ROBO1: variants seen among roughly 807,000 people sequenced by gnomAD.
The protein encoded by ROBO1 is roundabout homolog 1.
In ROBO1, 149 loss-of-function variants were observed where a neutral mutation model predicts 195.9. The observed-to-expected ratio is 0.76, with a 90% CI of 0.67 to 0.87. ROBO1 has a LOEUF of 0.87. ROBO1 is among the 40% of genes least tolerant of loss of function. The pLI is 0.00. For synonymous variants in ROBO1, 816 were observed against 733.2 expected, an observed-to-expected ratio of 1.11 and a Z score of -1.82; for missense variants, 1,933 against 2,068.3, an observed-to-expected ratio of 0.93 and a Z score of 1.27.
chr3:79,342,636 A>G (rs2034953096), intron 2 of ROBO1, among the ~76,000 whole-genome samples: 1 of 152,174 alleles, frequency 6.6e-6, no homozygotes, highest in Non-Finnish European at 1.5e-5. Flanking sequence ...TTAAGAGACT[A>G]TAATGACTAT....
intron 2 of ROBO1, among the ~76,000 whole-genome samples, chr3:79,332,085 G>T (rs1233563532): frequency 6.7e-6 from 1 of 150,190 alleles, no homozygotes; most frequent in East Asian, 2.0e-4. Flanking sequence ...GAAGCTTACA[G>T]TGAGCCGAGA....
At chr3:79,405,450 C>T (rs1211120446) in intron 2 of ROBO1, among the ~76,000 whole-genome samples, 2 of 152,208 alleles carry the variant, frequency 1.3e-5, no homozygotes, top group Non-Finnish European at 2.9e-5. Context: ...TCTGTGGCTG[C>T]TCACTGACAA....
Position 78,661,347 on chromosome 3 carries a change from C to T in ROBO1, c.2089-86G>A, listed in dbSNP as rs1290988427. ...AATAAAAATTAAACGTTATAAAATG[C>T]ACAAAATTCTGTCTGGCTTCATCCC... On this transcript the variant is annotated intron_variant, in intron 15 of 30. Coordinates refer to ENST00000464233, the MANE Select transcript of ROBO1 (RefSeq NM_002941.4). 8 of 817,940 alleles carry T rather than the reference C, an allele frequency of 9.8e-6. No homozygotes were observed. In the East Asian group the frequency reaches 2.3e-4, roughly 24 times the overall value. The allele number at this position is 817,940 out of a possible 1,614,324, so 50.7% of individuals were successfully genotyped here. A position where few individuals can be genotyped will look rare whatever the true frequency, so the allele number is the denominator to read the frequency against.
chr3:78,909,624 G>A (rs2038129837), intron 4 of ROBO1, among the ~76,000 whole-genome samples: 1 of 151,304 alleles, frequency 6.6e-6, no homozygotes, highest in South Asian at 2.1e-4. Flanking sequence ...TGAATATTTT[G>A]GTTTCCTAAT....
chr3:79,033,590 A>T (rs1300574280), intron 3 of ROBO1, among the ~76,000 whole-genome samples: 1 of 152,138 alleles, frequency 6.6e-6, no homozygotes, highest in Non-Finnish European at 1.5e-5. Context: ...GCTTGATTAC[A>T]TTTATTTCAA....
chr3:79,030,964 C>T (rs559622870), intron 3 of ROBO1, among the ~76,000 whole-genome samples: 1 of 152,298 alleles, frequency 6.6e-6, no homozygotes, highest in East Asian at 1.9e-4. Flanking sequence ...TCAGGTGATC[C>T]ACCCGCCTCT....
chr3:78,843,678 C>T (rs1273734235), intron 4 of ROBO1, among the ~76,000 whole-genome samples: 1 of 151,960 alleles, frequency 6.6e-6, no homozygotes, highest in Non-Finnish European at 1.5e-5. Context: ...ACAAATGATA[C>T]AATATACAAT....
rs539952733 is a variant in ROBO1 at position 79,558,450 on chromosome 3, C to T, written c.88+31374G>A. 9.2e-5 allele frequency among the ~76,000 whole-genome samples: 14 copies of T among 152,136 alleles called. No homozygotes were observed. In the East Asian group the frequency reaches 1.4e-3, roughly 15 times the overall value. On this transcript the variant is annotated intron_variant, in intron 2 of 30. Transcript: ENST00000464233. ...ATACTTATACAAAATATGTATGAAT[C>T]GAGTGTTTATGTTAGTTATTGATAA...
chr3:78,621,381 A>G (rs62260383), intron 26 of ROBO1, among the ~76,000 whole-genome samples: 9,362 of 152,278 alleles, frequency 0.061, 319 homozygotes, highest in African/African-American at 0.09. Context: ...ATCAATAAAG[A>G]AAGATGCAGA....
At chr3:79,168,303 T>G (rs2108685210) in intron 2 of ROBO1, among the ~76,000 whole-genome samples, 1 of 152,284 alleles carries the variant, frequency 6.6e-6, no homozygotes, top group African/African-American at 2.4e-5. Context: ...TGGCTTTATT[T>G]AAATAAATAC....
chr3:79,724,451 A>G (rs1239432164), intron 1 of ROBO1, among the ~76,000 whole-genome samples: 1 of 152,210 alleles, frequency 6.6e-6, no homozygotes, highest in Non-Finnish European at 1.5e-5. Flanking sequence ...GAATACGGCA[A>G]CGTTGAAGGG....
chr3:79,540,036 G>C (rs180769498), intron 2 of ROBO1, among the ~76,000 whole-genome samples: 4 of 152,060 alleles, frequency 2.6e-5, no homozygotes, highest in African/African-American at 9.6e-5. Flanking sequence ...CAGTGATTCT[G>C]GTATATTGGT....
intron 4 of ROBO1, among the ~76,000 whole-genome samples, chr3:78,818,244 T>A (rs1297837211): frequency 6.6e-6 from 1 of 152,170 alleles, no homozygotes; most frequent in Non-Finnish European, 1.5e-5. Flanking sequence ...GCCCAGCCTG[T>A]CCAGCATCTC....
At chr3:79,103,129 T>G (rs542802295) in intron 3 of ROBO1, among the ~76,000 whole-genome samples, 1 of 151,948 alleles carries the variant, frequency 6.6e-6, no homozygotes, top group African/African-American at 2.4e-5. Flanking sequence ...CAAGCACATC[T>G]AATTAAATCT....
At chr3:78,633,711 A>C (rs946201811) in intron 24 of ROBO1, among the ~76,000 whole-genome samples, 12 of 152,188 alleles carry the variant, frequency 7.9e-5, no homozygotes, top group African/African-American at 2.9e-4. Context: ...CTCATTAACA[A>C]GGAAGAAAAT....
chr3:78,669,607 G>T (rs1182814424), intron 11 of ROBO1, among the ~76,000 whole-genome samples: 1 of 152,216 alleles, frequency 6.6e-6, no homozygotes, highest in East Asian at 1.9e-4. Flanking sequence ...CCATCATTGA[G>T]CATTCTGATT....
At chr3:78,801,710 A>G (rs956124402) in intron 4 of ROBO1, among the ~76,000 whole-genome samples, 2 of 152,170 alleles carry the variant, frequency 1.3e-5, no homozygotes, top group Non-Finnish European at 2.9e-5. Context: ...TGTTTAACAA[A>G]TAAGTGTTTT....
intron 2 of ROBO1, among the ~76,000 whole-genome samples, chr3:79,164,734 C>T (rs1229581808): frequency 1.3e-5 from 2 of 152,160 alleles, no homozygotes; most frequent in African/African-American, 2.4e-5. Flanking sequence ...AGGACTTTCA[C>T]GGGCTGCCTA....
intron 4 of ROBO1, among the ~76,000 whole-genome samples, chr3:78,905,163 A>G (rs2037826188): frequency 6.6e-6 from 1 of 152,170 alleles, no homozygotes; most frequent in South Asian, 2.1e-4. Context: ...TTTATCATTA[A>G]TTATTAATTG....
Sources: gnomAD v4.1 joint callset for allele counts (sites outside exome capture counted in the v4.1 genomes callset) on GRCh38, gnomAD v4.1.1 for gene constraint, MANE v1.5 for transcripts, NCBI Gene and HGNC (gene_info 2026-07-23, HGNC 2026-07-21) for gene names.